SYT11: variants seen among roughly 807,000 people sequenced by gnomAD.
SYT11 encodes the protein synaptotagmin 11, also known as synaptotagmin-11.
In SYT11, 12 loss-of-function variants were observed where a neutral mutation model predicts 30.4. That is an observed-to-expected ratio of 0.39 (90% CI 0.25 to 0.64). SYT11 has a LOEUF of 0.64. Among genes scored for constraint, SYT11 ranks in the 30% least tolerant of loss-of-function variants. The pLI, the probability that SYT11 is intolerant of heterozygous loss-of-function variation, is 0.45. For synonymous variants in SYT11, 204 were observed against 216.0 expected, an observed-to-expected ratio of 0.94 and a Z score of 0.49; for missense variants, 412 against 552.0, an observed-to-expected ratio of 0.75 and a Z score of 2.54.
Position 155,868,213 on chromosome 1 carries a change from TTGG to T in SYT11, c.287_289del (p.Val96del). ...GAGGGAAGGTGGACGTAGGAACCTG[TTGG>T]TGGACGCAGCAGAGGCTGGCCTGCT... On this transcript the variant is annotated inframe_deletion, in exon 2 of 4. Transcript: ENST00000368324. The surrounding 1 kb of genome is among the most constrained non-coding windows in gnomAD (Gnocchi z 4.7). 6.2e-7 allele frequency: 1 copy of T among 1,613,946 alleles called. No individual in the cohort carries two copies. The highest frequency in any genetic ancestry group is 8.5e-7 in the Non-Finnish European group (1 of 1,179,980).
chr1:155,876,339 A>G (rs1414632028), intron 2 of SYT11, among the ~76,000 whole-genome samples: 4 of 134,214 alleles, frequency 3.0e-5, no homozygotes, highest in South Asian at 2.5e-4. Flanking sequence ...TCCGCCTCCC[A>G]GGTTCACGCC....
chr1:155,868,038 C>T lies in SYT11; in HGVS notation c.108C>T (p.Val36=), dbSNP rs755147129. ...TGTGTGTCTCGGTGACCGTCTTTGT[C>T]TGGTCATGCTGCCACCAGCAGGCAG... is the stretch of plus-strand genomic sequence containing the variant. ...LVVCVSVTVF[V]WSCCHQQAEK... Residue 36 remains valine, a synonymous_variant, in exon 2 of 4, where the codon GTC becomes GTT. Transcript: ENST00000368324. This position sits in a 1 kb window ranked among gnomAD's most constrained non-coding sequence, Gnocchi z 4.7. 2 of 1,613,490 alleles carry T rather than the reference C, an allele frequency of 1.2e-6. No homozygotes were observed. The highest frequency in any genetic ancestry group is 2.7e-5 in the African/African-American group (2 of 74,784).
chr1:155,871,935 T>A (rs822517), intron 2 of SYT11, among the ~76,000 whole-genome samples: 1 of 152,148 alleles, frequency 6.6e-6, no homozygotes, highest in African/African-American at 2.4e-5. Flanking sequence ...GTAGGATCTC[T>A]CCTTGGTGAA....
Position 155,860,707 on chromosome 1 carries a change from C to G in SYT11, c.34+912C>G, listed in dbSNP as rs1672553453. Among the ~76,000 whole-genome samples, 1 of 152,154 alleles carries G rather than the reference C, an allele frequency of 6.6e-6. No individual in the cohort carries two copies. Among genetic ancestry groups the G allele is most frequent in the Non-Finnish European group, 1.5e-5 (1 of 68,040 alleles). On this transcript the variant is annotated intron_variant, in intron 1 of 3. Coordinates refer to ENST00000368324, the MANE Select transcript of SYT11 (RefSeq NM_152280.5). The surrounding 1 kb of genome is among the most constrained non-coding windows in gnomAD (Gnocchi z 4.1). ...AGAGCGGCTGGTCCCCGACCCAGCCCTGTGGGCTCCAAGATTAGTTTTACA... is the reference window on the plus strand; with the variant it reads ...AGAGCGGCTGGTCCCCGACCCAGCCGTGTGGGCTCCAAGATTAGTTTTACA...
rs1396778498 is a variant in SYT11, at chr1:155,881,181, C to T, written c.986-17C>T. ...ATAGGTCTGTCTCCCTTTTTCTTAT[C>T]TCTTTGGGGGCCCCAGATCCTTATG... is the stretch of plus-strand genomic sequence containing the variant. On this transcript the variant is annotated splice_polypyrimidine_tract_variant and intron_variant, in intron 3 of 3. Transcript: ENST00000368324. 24 of 1,596,806 alleles carry T rather than the reference C, an allele frequency of 1.5e-5. No homozygotes were observed. The highest frequency in any genetic ancestry group is 1.7e-4 in the Middle Eastern group (1 of 5,940).
At chr1:155,879,964 C>G (rs1034076306) in intron 2 of SYT11, among the ~76,000 whole-genome samples, 1 of 152,064 alleles carries the variant, frequency 6.6e-6, no homozygotes, top group Non-Finnish European at 1.5e-5. Context: ...GAGGCTGAGG[C>G]GGGAGGATCA....
Position 155,860,782 on chromosome 1 carries a change from A to T in SYT11, c.34+987A>T, listed in dbSNP as rs1448175084. Among the ~76,000 whole-genome samples, 1 of 152,218 alleles carries T rather than the reference A, an allele frequency of 6.6e-6. No individual in the cohort carries two copies. The highest frequency in any genetic ancestry group is 1.5e-5 in the Non-Finnish European group (1 of 68,044). ...GAAAATAGGGAAGAAGGTGGCAAAGACAAGCTTGAGAAGGAAGTTTTTTCC... is the reference window on the plus strand; with the variant it reads ...GAAAATAGGGAAGAAGGTGGCAAAGTCAAGCTTGAGAAGGAAGTTTTTTCC... On this transcript the variant is annotated intron_variant, in intron 1 of 3. Transcript: ENST00000368324. This position sits in a 1 kb window ranked among gnomAD's most constrained non-coding sequence, Gnocchi z 4.1.
At position 155,868,261 on chromosome 1, in the gene SYT11, AG is replaced by A. The variant is rs1314563743; in HGVS notation, c.336del (p.Pro113LeufsTer7). On this transcript the variant is annotated frameshift_variant, in exon 2 of 4. Transcript: ENST00000368324. LOFTEE classifies it high-confidence loss of function. This position sits in a 1 kb window ranked among gnomAD's most constrained non-coding sequence, Gnocchi z 4.7. ...CCTGCTAAGCCGAGACAAAGATCCC[AG>A]GGGGCCTAGCTCTGGATCTTGTATA... ...AGLLSRDKDP[R>X]GPSSGSCIDQ... The A allele has an allele frequency of 6.2e-7, 1 of 1,614,068 alleles. No individual in the cohort carries two copies.
chr1:155,870,214 TTGAAGTCAGACC>T (rs991017052), intron 2 of SYT11, among the ~76,000 whole-genome samples: 2 of 152,172 alleles, frequency 1.3e-5, no homozygotes, highest in African/African-American at 4.8e-5. Context: ...AGCAAGGACT[TTGAAGTCAGACC>T]TGAGTTTAAA....
chr1:155,867,360 T>C (rs1394113741), intron 1 of SYT11, among the ~76,000 whole-genome samples: 1 of 152,126 alleles, frequency 6.6e-6, no homozygotes, highest in African/African-American at 2.4e-5. Flanking sequence ...CACCCAGCCT[T>C]GTATTTTATA....
Position 155,883,338 on chromosome 1 carries a change from A to G in SYT11, c.*1830A>G, listed in dbSNP as rs2102570131. 6.6e-6 allele frequency: 1 copy of G among 152,486 alleles called. No homozygotes were observed. Among genetic ancestry groups the G allele is most frequent in the South Asian group, 2.1e-4 (1 of 4,834 alleles). 9.4% of individuals were successfully genotyped at this position (152,486 alleles called of 1,614,324 possible). On this transcript the variant is annotated 3_prime_UTR_variant, in exon 4 of 4. Coordinates refer to ENST00000368324, the MANE Select transcript of SYT11 (RefSeq NM_152280.5). ...CGCTTGAGCCCAGGAGTTCAAGACC[A>G]GCCTGGGCTACATGACGAAACTCCA...
At chr1:155,861,944 G>A (rs1557945372) in intron 1 of SYT11, among the ~76,000 whole-genome samples, 1 of 152,148 alleles carries the variant, frequency 6.6e-6, no homozygotes, top group Non-Finnish European at 1.5e-5. Context: ...CCAATGTCTG[G>A]CTGAAGCCAA....
chr1:155,868,878 T>C lies in SYT11; in HGVS notation c.861+87T>C. On this transcript the variant is annotated intron_variant, in intron 2 of 3. Coordinates refer to ENST00000368324, the MANE Select transcript of SYT11 (RefSeq NM_152280.5). This position sits in a 1 kb window ranked among gnomAD's most constrained non-coding sequence, Gnocchi z 4.7. Reference sequence around the variant, plus strand: ...TAAATGGAAGTGGGAGGGGAGTGGGTTGGGTGGCAAAGAAGGGCTGTAGAG... The same window carrying C: ...TAAATGGAAGTGGGAGGGGAGTGGGCTGGGTGGCAAAGAAGGGCTGTAGAG... 1 of 1,330,876 alleles carries C rather than the reference T, an allele frequency of 7.5e-7. No homozygotes were observed. Among genetic ancestry groups the C allele is most frequent in the Non-Finnish European group, 1.0e-6 (1 of 973,638 alleles). 82.4% of individuals were successfully genotyped at this position (1,330,876 alleles called of 1,614,324 possible).
chr1:155,859,916 A>G (rs913706489), intron 1 of SYT11, 121 bp downstream of exon 1: 3 of 982,440 alleles, frequency 3.1e-6, no homozygotes, highest in East Asian at 2.4e-5. Flanking sequence ...AGCCCCACTA[A>G]AATCGGGCCT....
At chr1:155,879,688 T>C (rs1672930080) in intron 2 of SYT11, among the ~76,000 whole-genome samples, 1 of 152,216 alleles carries the variant, frequency 6.6e-6, no homozygotes, top group South Asian at 2.1e-4. Context: ...CCTCCCACTG[T>C]ACAGTCTTCA....
In SYT11 at chr1:155,883,816, CT is replaced by C. The variant is rs1171209740; in HGVS notation, c.*2309del. ...TGGATTTAAAACCATTCTGCTCCCC[CT>C]AAACCTTTTGTTTGATTTCAGCCCA... On this transcript the variant is annotated 3_prime_UTR_variant, in exon 4 of 4. Coordinates refer to ENST00000368324, the MANE Select transcript of SYT11 (RefSeq NM_152280.5). 2 of 152,272 alleles carry C rather than the reference CT, an allele frequency of 1.3e-5. No homozygotes were observed. The highest frequency in any genetic ancestry group is 2.9e-5 in the Non-Finnish European group (2 of 68,042). The allele number at this position is 152,272 out of a possible 1,614,324, so 9.4% of individuals were successfully genotyped here.
rs1672725304 is a variant in SYT11, at chr1:155,868,486, G to A, written c.556G>A (p.Val186Met). ...VTIQEAHGLP[V>M]MDDQTQGSDP... ...AATCCAGGAGGCCCATGGGCTGCCAGTGATGGATGACCAGACCCAGGGATC... is the reference window on the plus strand; with the variant it reads ...AATCCAGGAGGCCCATGGGCTGCCAATGATGGATGACCAGACCCAGGGATC... The change falls in exon 2 of 4, where the codon GTG (valine) becomes ATG (methionine). Residue 186 changes from valine (V) to methionine (M), a missense_variant. Transcript: ENST00000368324. The surrounding 1 kb of genome is among the most constrained non-coding windows in gnomAD (Gnocchi z 4.7). 2 of 1,614,082 alleles carry A rather than the reference G, an allele frequency of 1.2e-6. No individual in the cohort carries two copies. The highest frequency in any genetic ancestry group is 1.7e-6 in the Non-Finnish European group (2 of 1,180,036).
At chr1:155,881,095 GAAC>G in intron 3 of SYT11, 100 bp from the exon 4 acceptor site, 5 of 1,272,210 alleles carry the variant, frequency 3.9e-6, no homozygotes, top group Non-Finnish European at 5.5e-6. Context: ...TCAAAGATAC[GAAC>G]AACAGAGCCC....
rs369449363 is a variant in SYT11, at chr1:155,878,134, C to G, written c.862-2366C>G. 1.5e-3 allele frequency among the ~76,000 whole-genome samples: 234 copies of G among 151,968 alleles called. 2 individuals are homozygous for G. The highest frequency in any genetic ancestry group is 4.7e-3 in the African/African-American group (194 of 41,454). Reference sequence around the variant, plus strand: ...GGTGCACACCTGTAGTCCCAGCTACCTGGGATGCTGAGGTGGGAGGATCTC... The same window carrying G: ...GGTGCACACCTGTAGTCCCAGCTACGTGGGATGCTGAGGTGGGAGGATCTC... On this transcript the variant is annotated intron_variant, in intron 2 of 3. Coordinates refer to ENST00000368324, the MANE Select transcript of SYT11 (RefSeq NM_152280.5).
Sources: allele counts gnomAD v4.1 joint callset (sites outside exome capture counted in the v4.1 genomes callset), GRCh38; gene constraint gnomAD v4.1.1; non-coding constraint Gnocchi (gnomAD v3.1); transcripts MANE v1.5; gene names NCBI Gene and HGNC (gene_info 2026-07-23, HGNC 2026-07-21).